CACNA2D2: variants seen among roughly 807,000 people sequenced by gnomAD.
CACNA2D2 encodes voltage-dependent calcium channel subunit alpha-2/delta-2.
Under a neutral mutation model 166.4 loss-of-function variants are expected in CACNA2D2, and 48 were observed. The observed-to-expected ratio is 0.29, with a 90% CI of 0.23 to 0.37. CACNA2D2 has a LOEUF of 0.37. Ranked by LOEUF, CACNA2D2 falls within the 10% of genes least tolerant of loss-of-function variation. The pLI is 1.00. For missense variants in CACNA2D2, 1,122 were observed against 1,433.0 expected (o/e 0.78, Z 3.50); for synonymous variants, 561 against 573.7 (o/e 0.98, Z 0.32).
chr3:50,490,802 T>C (rs1254094194), intron 1 of CACNA2D2, among the ~76,000 whole-genome samples: 2 of 152,176 alleles, frequency 1.3e-5, no homozygotes, highest in Non-Finnish European at 2.9e-5. Context: ...ACATAGTCCC[T>C]GAGCAGCCAG....
In CACNA2D2 at chr3:50,367,801, G is replaced by T; in HGVS notation, c.2234+11C>A. 2 of 1,613,078 alleles carry T rather than the reference G, an allele frequency of 1.2e-6. No homozygotes were observed. The highest frequency in any genetic ancestry group is 1.7e-6 in the Non-Finnish European group (2 of 1,179,466). The stretch of plus-strand genomic sequence containing the variant: ...CTAGCCTTCTGCCCCCACAGGCTGG[G>T]TGATGCCTACGTGTTGAGATCCTGG... On this transcript the variant is annotated intron_variant, in intron 25 of 37. Coordinates refer to ENST00000424201, the MANE Select transcript of CACNA2D2 (RefSeq NM_006030.4). This position sits in a 1 kb window ranked among gnomAD's most constrained non-coding sequence, Gnocchi z 6.5.
chr3:50,367,332 C>T lies in CACNA2D2; in HGVS notation c.2401+62G>A, dbSNP rs929634326. ...CTCAGACAGCAGAGCCCAGTTCTGG[C>T]TGAGCAGACAGGGAAGCTGAGGCTC... On this transcript the variant is annotated intron_variant, in intron 27 of 37. Transcript: ENST00000424201. This position sits in a 1 kb window ranked among gnomAD's most constrained non-coding sequence, Gnocchi z 6.5. 3.6e-5 allele frequency: 53 copies of T among 1,475,546 alleles called. No homozygotes were observed. The highest frequency in any genetic ancestry group is 1.7e-4 in the Middle Eastern group (1 of 5,788). The allele number at this position is 1,475,546 out of a possible 1,614,324, so 91.4% of individuals were successfully genotyped here.
chr3:50,468,431 G>GTGTGTGTGTGTA (rs1553751787), intron 2 of CACNA2D2, among the ~76,000 whole-genome samples: 28 of 147,720 alleles, frequency 1.9e-4, no homozygotes, highest in South Asian at 6.4e-4. Flanking sequence ...GTGTGTGTGT[G>GTGTGTGTGTGTA]TGTGTGTGTG....
intron 3 of CACNA2D2, among the ~76,000 whole-genome samples, chr3:50,416,686 G>A (rs891671951): frequency 6.6e-6 from 1 of 152,242 alleles, no homozygotes; most frequent in Admixed American, 6.5e-5. Flanking sequence ...CCTGGGTCCC[G>A]GCTGGAGCCG....
rs1056880302 is a variant in CACNA2D2, at chr3:50,375,472, A to C, written c.1907+172T>G. Among the ~76,000 whole-genome samples, 1 of 152,160 alleles carries C rather than the reference A, an allele frequency of 6.6e-6. No homozygotes were observed. The highest frequency in any genetic ancestry group is 1.5e-5 in the Non-Finnish European group (1 of 68,020). On this transcript the variant is annotated intron_variant, in intron 21 of 37. Transcript: ENST00000424201. The surrounding 1 kb of genome is among the most constrained non-coding windows in gnomAD (Gnocchi z 4.0). ...CTCTCAGACCTGCTGCTTGTTCCTT[A>C]AAAGCCAGGGAGTCTCTTGGCAGAC...
intron 3 of CACNA2D2, among the ~76,000 whole-genome samples, chr3:50,412,150 T>C (rs1297495977): frequency 6.6e-6 from 1 of 152,256 alleles, no homozygotes; most frequent in African/African-American, 2.4e-5. Context: ...GTTACTCATA[T>C]TCTGCAATTT....
intron 23 of CACNA2D2, among the ~76,000 whole-genome samples, chr3:50,369,712 C>T (rs1482648561): frequency 1.3e-5 from 2 of 152,230 alleles, no homozygotes; most frequent in Non-Finnish European, 2.9e-5. Flanking sequence ...TACATGAGAA[C>T]GTGTGTGTGC....
intron 3 of CACNA2D2, among the ~76,000 whole-genome samples, chr3:50,412,858 A>T (rs1707084963): frequency 1.3e-5 from 2 of 152,032 alleles, no homozygotes; most frequent in Admixed American, 6.5e-5. Flanking sequence ...GTTGTCAGGG[A>T]CTCATGGTCA....
intron 2 of CACNA2D2, among the ~76,000 whole-genome samples, chr3:50,443,158 G>A (rs1327045440): frequency 2.6e-5 from 4 of 152,228 alleles, no homozygotes; most frequent in African/African-American, 9.6e-5. Context: ...AAACATACCC[G>A]CACTTTCCCA....
At chr3:50,409,911 T>A (rs990846620) in intron 3 of CACNA2D2, among the ~76,000 whole-genome samples, 2 of 152,184 alleles carry the variant, frequency 1.3e-5, no homozygotes, top group Non-Finnish European at 2.9e-5. Flanking sequence ...CCCTCCACGA[T>A]CTCAGGGCAC....
intron 3 of CACNA2D2, among the ~76,000 whole-genome samples, chr3:50,426,129 T>G (rs980892588): frequency 1.3e-5 from 2 of 152,156 alleles, no homozygotes; most frequent in Non-Finnish European, 2.9e-5. Context: ...GTACACAGGC[T>G]CAGGAGCCAG....
Position 50,363,658 on chromosome 3 carries a change from T to C in CACNA2D2, c.*1008A>G, listed in dbSNP as rs183504406. The stretch of plus-strand genomic sequence containing the variant: ...ACCCCTGCTAAGGCAAAGGGTGATG[T>C]CTGGTGGGGGTTCCTCTGCCGAAAG... On this transcript the variant is annotated 3_prime_UTR_variant, in exon 38 of 38. Transcript: ENST00000424201. The C allele has an allele frequency of 2.1e-4, 38 of 178,112 alleles. No individual in the cohort carries two copies. Among genetic ancestry groups the C allele is most frequent in the African/African-American group, 8.4e-4 (36 of 42,622 alleles). 11.0% of individuals were successfully genotyped at this position (178,112 alleles called of 1,614,324 possible). A position where few individuals can be genotyped will look rare whatever the true frequency, so the allele number is the denominator to read the frequency against.
At chr3:50,402,599 G>A (rs1706499323) in intron 3 of CACNA2D2, among the ~76,000 whole-genome samples, 1 of 152,234 alleles carries the variant, frequency 6.6e-6, no homozygotes, top group Admixed American at 6.5e-5. Flanking sequence ...ACCCAGAGCT[G>A]AAGGCTACTC....
intron 2 of CACNA2D2, among the ~76,000 whole-genome samples, chr3:50,466,272 A>G (rs201324029): frequency 2.1e-3 from 309 of 149,502 alleles, no homozygotes; most frequent in Admixed American, 4.1e-3. Context: ...GTGTGTGCGC[A>G]TGTGTGTGTG....
intron 2 of CACNA2D2, among the ~76,000 whole-genome samples, chr3:50,470,019 G>A (rs923830225): frequency 2.6e-5 from 4 of 152,222 alleles, no homozygotes; most frequent in African/African-American, 7.2e-5. Context: ...TGCTCCCACA[G>A]ACCTGCCCCT....
intron 2 of CACNA2D2, among the ~76,000 whole-genome samples, chr3:50,462,508 T>A (rs893148954): frequency 6.6e-6 from 1 of 151,896 alleles, no homozygotes; most frequent in African/African-American, 2.4e-5. Flanking sequence ...TATCCAAAAG[T>A]CTTCCGCAAG....
At chr3:50,451,811 C>A (rs1417557402) in intron 2 of CACNA2D2, among the ~76,000 whole-genome samples, 4 of 152,144 alleles carry the variant, frequency 2.6e-5, no homozygotes, top group African/African-American at 9.7e-5. Context: ...TGTCTCAGAG[C>A]CCACCTCAGA....
intron 3 of CACNA2D2, among the ~76,000 whole-genome samples, chr3:50,412,133 C>T (rs1393376294): frequency 1.3e-5 from 2 of 152,244 alleles, no homozygotes; most frequent in African/African-American, 2.4e-5. Context: ...GCCTCTGCCC[C>T]GTCATTGTTA....
At chr3:50,474,397 C>T (rs928061704) in intron 2 of CACNA2D2, among the ~76,000 whole-genome samples, 2 of 152,146 alleles carry the variant, frequency 1.3e-5, no homozygotes, top group Non-Finnish European at 2.9e-5. Context: ...GTGTATGGGT[C>T]AAGAATGAGG....
Sources: gnomAD v4.1 joint callset for allele counts (sites outside exome capture counted in the v4.1 genomes callset) on GRCh38, gnomAD v4.1.1 for gene constraint, Gnocchi (gnomAD v3.1) non-coding constraint, MANE v1.5 for transcripts, NCBI Gene and HGNC (gene_info 2026-07-23, HGNC 2026-07-21) for gene names.